Variants in NR1I2 observed in about 807,000 individuals in gnomAD.
NR1I2 encodes the protein orphan nuclear receptor PAR1.
A neutral mutation model predicts 43.3 loss-of-function variants in NR1I2; 42 were observed. The ratio of observed to expected loss-of-function variants is 0.97; its 90% CI spans 0.76 to 1.26. The LOEUF (loss-of-function observed/expected upper bound fraction) is 1.26, where lower values mean the gene tolerates loss of function less well. Ranked by LOEUF, NR1I2 falls within the 50% of genes most tolerant of loss-of-function variation. The pLI is 0.00. For synonymous variants in NR1I2, 229 were observed against 215.0 expected, an observed-to-expected ratio of 1.06 and a Z score of -0.57; for missense variants, 559 against 566.7, an observed-to-expected ratio of 0.99 and a Z score of 0.14.
chr3:119,798,746 C>T (rs1350751671), intron 1 of NR1I2, among the ~76,000 whole-genome samples: 1 of 152,168 alleles, frequency 6.6e-6, no homozygotes, highest in East Asian at 1.9e-4. Flanking sequence ...TCTACTTTCT[C>T]TATGGATTTG....
chr3:119,805,738 GA>G (rs563525828), intron 1 of NR1I2, among the ~76,000 whole-genome samples: 1,461 of 65,980 alleles, frequency 0.022, 28 homozygotes, highest in African/African-American at 0.086. Context: ...GAAAAGAAAA[GA>G]AAAAAAAGGA....
intron 5 of NR1I2, among the ~76,000 whole-genome samples, chr3:119,813,807 T>C (rs999320516): frequency 2.4e-4 from 36 of 152,124 alleles, no homozygotes; most frequent in African/African-American, 7.5e-4. Flanking sequence ...TACTTATAAA[T>C]GTGGACATTG....
intron 1 of NR1I2, among the ~76,000 whole-genome samples, chr3:119,793,036 A>T (rs2054943687): frequency 6.6e-6 from 1 of 152,008 alleles, no homozygotes; most frequent in Non-Finnish European, 1.5e-5. Flanking sequence ...TGGTTGTTTA[A>T]AGAGCCCGGC....
At chr3:119,796,103 T>C (rs2054995530) in intron 1 of NR1I2, among the ~76,000 whole-genome samples, 1 of 152,228 alleles carries the variant, frequency 6.6e-6, no homozygotes, top group South Asian at 2.1e-4. Flanking sequence ...CTCTTCCTCA[T>C]GTTTCTTCTG....
intron 2 of NR1I2, among the ~76,000 whole-genome samples, chr3:119,809,109 G>C (rs2055198937): frequency 6.6e-6 from 1 of 152,192 alleles, no homozygotes; most frequent in South Asian, 2.1e-4. Flanking sequence ...CTACCTGGCT[G>C]TTCCATGCTC....
intron 8 of NR1I2, among the ~76,000 whole-genome samples, chr3:119,816,512 C>G (rs28365104): frequency 2.0e-5 from 3 of 152,168 alleles, no homozygotes; most frequent in Admixed American, 2.0e-4. Context: ...CCACGGAAGT[C>G]TCTGTGTACA....
chr3:119,789,369 C>T (rs1260890307), intron 1 of NR1I2, among the ~76,000 whole-genome samples: 3 of 152,122 alleles, frequency 2.0e-5, no homozygotes, highest in African/African-American at 7.2e-5. Flanking sequence ...TTCCATGTGG[C>T]TGGGGAGGCC....
At chr3:119,789,255 T>A (rs2054885081) in intron 1 of NR1I2, among the ~76,000 whole-genome samples, 1 of 152,194 alleles carries the variant, frequency 6.6e-6, no homozygotes, top group Non-Finnish European at 1.5e-5. Flanking sequence ...TCTTCCTGAT[T>A]GTAGTGCTTT....
rs201570634 is a variant in NR1I2, at chr3:119,811,751, G to A, written c.519+25G>A. 4.2e-5 allele frequency: 67 copies of A among 1,576,934 alleles called. 1 individual carries two copies. The East Asian group carries it at 5.5e-4, about 13-fold the overall frequency. ...GGTAGGAGGAACTGCACAGTGACCC[G>A]AGGTGTCACTGCCATCTTCATTCTC... On this transcript the variant is annotated intron_variant, in intron 4 of 8. Transcript: ENST00000393716.
At chr3:119,793,026 T>C (rs1577271682) in intron 1 of NR1I2, among the ~76,000 whole-genome samples, 1 of 152,194 alleles carries the variant, frequency 6.6e-6, no homozygotes, top group South Asian at 2.1e-4. Flanking sequence ...ATAGAAGAGC[T>C]GGTTGTTTAA....
In NR1I2 at chr3:119,818,236, C is replaced by T; in HGVS notation, c.*1024C>T. On this transcript the variant is annotated 3_prime_UTR_variant, in exon 9 of 9. Transcript: ENST00000393716. ...TCTGTGACAAGGCTACGCTGACAATCAGTTAAACACACCGGAGAAGAACCA... is the reference window on the plus strand; with the variant it reads ...TCTGTGACAAGGCTACGCTGACAATTAGTTAAACACACCGGAGAAGAACCA... The T allele has an allele frequency of 1.0e-6, 1 of 985,654 alleles. No individual in the cohort carries two copies. Among genetic ancestry groups the T allele is most frequent in the Non-Finnish European group, 1.2e-6 (1 of 829,956 alleles). The allele number at this position is 985,654 out of a possible 1,614,324, so 61.1% of individuals were successfully genotyped here. A position where few individuals can be genotyped will look rare whatever the true frequency, so the allele number is the denominator to read the frequency against.
At chr3:119,806,450 GT>G (rs146094839) in intron 1 of NR1I2, among the ~76,000 whole-genome samples, 20 of 151,294 alleles carry the variant, frequency 1.3e-4, no homozygotes, top group South Asian at 8.4e-4. Flanking sequence ...GATCTTGGCT[GT>G]TTTTTTTTAT....
chr3:119,799,620 G>A (rs1331434877), intron 1 of NR1I2, among the ~76,000 whole-genome samples: 1 of 152,046 alleles, frequency 6.6e-6, no homozygotes, highest in East Asian at 1.9e-4. Context: ...TAAAAGACAG[G>A]AATAGAATAA....
chr3:119,794,506 T>C (rs1577272665), intron 1 of NR1I2, among the ~76,000 whole-genome samples: 1 of 151,612 alleles, frequency 6.6e-6, no homozygotes, highest in South Asian at 2.1e-4. Context: ...TTTTTTTTTT[T>C]TTTAAGAGAT....
In NR1I2 at chr3:119,815,810, A is replaced by G. The variant is rs546792969; in HGVS notation, c.1139A>G (p.Asn380Ser). 3.1e-6 allele frequency: 5 copies of G among 1,611,928 alleles called. No individual in the cohort carries two copies. Among genetic ancestry groups the G allele is most frequent in the South Asian group, 1.1e-5 (1 of 90,432 alleles). Residue 380 changes from asparagine (N) to serine (S), a missense_variant, in exon 8 of 9, where the codon AAT becomes AGT. Physicochemically the swap from Asn to Ser is conservative, Grantham distance 46. Around this residue, in one of 3 missense-constraint regions of NR1I2, gnomAD observed 323 missense variants for 312.2 expected, o/e 1.03. Transcript: ENST00000393716. ...ACTCTGAAGTCCTACATTGAATGCAATCGGCCCCAGCCTGCTCATAGGTGA... is the reference window on the plus strand; with the variant it reads ...ACTCTGAAGTCCTACATTGAATGCAGTCGGCCCCAGCCTGCTCATAGGTGA...
At chr3:119,792,166 A>C in intron 1 of NR1I2, 1 of 936,704 alleles carries the variant, frequency 1.1e-6, no homozygotes, top group Non-Finnish European at 1.8e-6. Flanking sequence ...GACTATGATG[A>C]GCGTGTGCTG....
intron 1 of NR1I2, among the ~76,000 whole-genome samples, chr3:119,801,792 G>A (rs751927230): frequency 6.6e-6 from 1 of 152,194 alleles, no homozygotes; most frequent in Non-Finnish European, 1.5e-5. Context: ...AATTGGGCTG[G>A]GGAGTCCAAG....
At position 119,792,638 on chromosome 3, in the gene NR1I2, C is replaced by T. The variant is rs1288969560; in HGVS notation, c.-23+10338C>T. 6 of 568,900 alleles carry T rather than the reference C, an allele frequency of 1.1e-5. No homozygotes were observed. The African/African-American group carries it at 1.1e-4, about 11-fold the overall frequency. The allele number at this position is 568,900 out of a possible 1,614,324, so 35.2% of individuals were successfully genotyped here. On this transcript the variant is annotated intron_variant, in intron 1 of 8. Transcript: ENST00000393716. ...CACTGCCTTCCTTCTGCCTCCACTC[C>T]AGAAATCACTGTGAAATTTCATGAT...
intron 1 of NR1I2, among the ~76,000 whole-genome samples, chr3:119,798,859 C>G (rs901796073): frequency 2.0e-5 from 3 of 152,202 alleles, no homozygotes. Flanking sequence ...GCTGTAGCAT[C>G]TATCCTTCAT....
Sources: gnomAD v4.1 joint callset for allele counts (sites outside exome capture counted in the v4.1 genomes callset) on GRCh38, gnomAD v4.1.1 for gene constraint, gnomAD v4.1.1 regional missense constraint, MANE v1.5 for transcripts, NCBI Gene and HGNC (gene_info 2026-07-23, HGNC 2026-07-21) for gene names.